Variants in KCNH8 observed in about 807,000 individuals in gnomAD.
The protein encoded by KCNH8 is potassium voltage-gated channel subfamily H member 8, also known as voltage-gated delayed rectifier potassium channel KCNH8.
KCNH8 carries 70 observed loss-of-function variants against 103.6 expected under a neutral mutation model. The ratio of observed to expected loss-of-function variants is 0.68; its 90% CI spans 0.56 to 0.82. KCNH8 has a LOEUF of 0.82. KCNH8 is among the 40% of genes least tolerant of loss of function. The probability of loss-of-function intolerance (pLI) is 0.00; values close to 1 mark genes in which losing one functional copy is unlikely to be tolerated. For synonymous variants in KCNH8, 498 were observed against 489.4 expected, an observed-to-expected ratio of 1.02 and a Z score of -0.23; for missense variants, 1,217 against 1,329.9, an observed-to-expected ratio of 0.92 and a Z score of 1.32.
intron 11 of KCNH8, among the ~76,000 whole-genome samples, chr3:19,491,382 T>A (rs2068317754): frequency 6.6e-6 from 1 of 152,210 alleles, no homozygotes; most frequent in Non-Finnish European, 1.5e-5. Context: ...TTTATGTACA[T>A]GTGTACTCAT....
Position 19,484,399 on chromosome 3 carries a change from A to G in KCNH8, c.2041-25964A>G, listed in dbSNP as rs150311056. ...AAGAGTAGTCTTTCATGCGGGGAAA[A>G]TCAGTGGAAGTTTTTACTATACAAG... On this transcript the variant is annotated intron_variant, in intron 11 of 15. Coordinates refer to ENST00000328405, the MANE Select transcript of KCNH8 (RefSeq NM_144633.3). Among the ~76,000 whole-genome samples the G allele has an allele frequency of 7.1e-3, 1,087 of 152,308 alleles. 7 individuals carry two copies. Among genetic ancestry groups the G allele is most frequent in the Middle Eastern group, 0.02 (6 of 294 alleles).
rs531140401 is a variant in KCNH8 at position 19,373,588 on chromosome 3, T to G, written c.812-16893T>G. On this transcript the variant is annotated intron_variant, in intron 5 of 15. Transcript: ENST00000328405. The stretch of plus-strand genomic sequence containing the variant: ...CTGGATTCATTAATTTTTTGAAGGG[T>G]TTTTTGTGTCTCTATTTCCTTCAGT... Among the ~76,000 whole-genome samples, 5 of 149,758 alleles carry G rather than the reference T, an allele frequency of 3.3e-5. No homozygotes were observed. The South Asian group carries it at 1.0e-3, about 31-fold the overall frequency.
intron 1 of KCNH8, among the ~76,000 whole-genome samples, chr3:19,238,786 T>G (rs2064097273): frequency 6.6e-6 from 1 of 152,232 alleles, no homozygotes. Flanking sequence ...GAGCTTTTGT[T>G]GAAAATTATA....
At chr3:19,244,593 A>G (rs1360003272) in intron 1 of KCNH8, among the ~76,000 whole-genome samples, 2 of 152,216 alleles carry the variant, frequency 1.3e-5, no homozygotes, top group Non-Finnish European at 1.5e-5. Flanking sequence ...CCAACAATGT[A>G]TAAGCATTCC....
At chr3:19,444,643 A>G (rs2067335755) in intron 8 of KCNH8, among the ~76,000 whole-genome samples, 1 of 152,010 alleles carries the variant, frequency 6.6e-6, no homozygotes. Context: ...TGTTAAATCA[A>G]TAAGAAAAAA....
chr3:19,268,227 G>A (rs7636347), intron 2 of KCNH8, among the ~76,000 whole-genome samples: 6,264 of 152,134 alleles, frequency 0.041, 418 homozygotes, highest in African/African-American at 0.14. Context: ...AAGGCAAGTT[G>A]CAGGCTCCTA....
rs1459193528 is a variant in KCNH8 at position 19,161,722 on chromosome 3, G to A, written c.76+12927G>A. 4.6e-5 allele frequency among the ~76,000 whole-genome samples: 7 copies of A among 152,128 alleles called. 1 individual carries two copies. In the South Asian group the frequency reaches 1.0e-3, roughly 23 times the overall value. On this transcript the variant is annotated intron_variant, in intron 1 of 15. Transcript: ENST00000328405. ...GACAAAGCAATTGTAAATTTTTGTA[G>A]AGCACAGTAACATGGCAAAGACTGC...
intron 5 of KCNH8, among the ~76,000 whole-genome samples, chr3:19,376,457 T>TGG (rs2066205928): frequency 1.3e-5 from 2 of 152,136 alleles, no homozygotes; most frequent in Non-Finnish European, 2.9e-5. Flanking sequence ...CTGCTTCGGC[T>TGG]CATGCACGGT....
intron 3 of KCNH8, among the ~76,000 whole-genome samples, chr3:19,329,699 AT>A (rs1194762284): frequency 6.6e-6 from 1 of 152,182 alleles, no homozygotes; most frequent in Non-Finnish European, 1.5e-5. Flanking sequence ...AACTTCAAAA[AT>A]CCCATGGTTG....
At chr3:19,495,742 A>G (rs372646458) in intron 11 of KCNH8, among the ~76,000 whole-genome samples, 1 of 151,966 alleles carries the variant, frequency 6.6e-6, no homozygotes, top group African/African-American at 2.4e-5. Flanking sequence ...TGCATGAAGA[A>G]TGTCACTGGC....
chr3:19,340,061 G>C (rs181819711), intron 3 of KCNH8, among the ~76,000 whole-genome samples: 1 of 151,866 alleles, frequency 6.6e-6, no homozygotes, highest in Non-Finnish European at 1.5e-5. Context: ...CAGTTTTCTC[G>C]TCTGTAAATG....
At position 19,375,898 on chromosome 3, in the gene KCNH8, G is replaced by C. The variant is rs551608600; in HGVS notation, c.812-14583G>C. Among the ~76,000 whole-genome samples, 322 of 152,290 alleles carry C rather than the reference G, an allele frequency of 2.1e-3. 2 individuals are homozygous for C. Among genetic ancestry groups the C allele is most frequent in the Admixed American group, 3.5e-3 (53 of 15,306 alleles). ...TGTCAGTGTGCCCTTGCTGGGGGGT[G>C]CCTCCCAGTTAGGCTGCTCGGGGGT... On this transcript the variant is annotated intron_variant, in intron 5 of 15. Transcript: ENST00000328405.
At chr3:19,390,334 A>C (rs1157121413) in intron 5 of KCNH8, 147 bp from the exon 6 acceptor site, 1 of 636,244 alleles carries the variant, frequency 1.6e-6, no homozygotes, top group African/African-American at 1.9e-5. Flanking sequence ...ATTTTATTTA[A>C]TTTTCTACGA....
At chr3:19,294,313 T>C (rs537579161) in intron 3 of KCNH8, among the ~76,000 whole-genome samples, 10 of 152,212 alleles carry the variant, frequency 6.6e-5, no homozygotes, top group Non-Finnish European at 1.3e-4. Flanking sequence ...GTGATTGATA[T>C]GTACTTCGAA....
chr3:19,307,043 A>G (rs1559469267), intron 3 of KCNH8, among the ~76,000 whole-genome samples: 1 of 151,746 alleles, frequency 6.6e-6, no homozygotes, highest in Non-Finnish European at 1.5e-5. Flanking sequence ...AAAGAACAGA[A>G]TAGAGAATCC....
In KCNH8 at chr3:19,226,619, G is replaced by A. The variant is rs866481020; in HGVS notation, c.77-27035G>A. 4.8e-3 allele frequency among the ~76,000 whole-genome samples: 652 copies of A among 136,010 alleles called. 3 individuals carry two copies. Among genetic ancestry groups the A allele is most frequent in the African/African-American group, 0.022 (621 of 27,788 alleles). The allele number at this position is 136,010 out of a possible 152,430, so 89.2% of individuals were successfully genotyped here. On this transcript the variant is annotated intron_variant, in intron 1 of 15. Coordinates refer to ENST00000328405, the MANE Select transcript of KCNH8 (RefSeq NM_144633.3). The stretch of plus-strand genomic sequence containing the variant: ...CTCTCTCTGTCACACACACACACAT[G>A]CATGCACACACACACACACACACAC...
intron 2 of KCNH8, among the ~76,000 whole-genome samples, chr3:19,257,669 A>G (rs1317182467): frequency 6.6e-6 from 1 of 152,086 alleles, no homozygotes; most frequent in East Asian, 1.9e-4. Flanking sequence ...TTTCCTGGAA[A>G]GAAAAACGTA....
rs144788007 is a variant in KCNH8, at chr3:19,533,942, G to A, written c.3167G>A (p.Ser1056Asn). 9.5e-5 allele frequency: 153 copies of A among 1,614,182 alleles called. No individual in the cohort carries two copies. In the African/African-American group the frequency reaches 1.9e-3, roughly 20 times the overall value. The change falls in exon 16 of 16, where the codon AGT (serine) becomes AAT (asparagine). Residue 1056 changes from serine (S) to asparagine (N), a missense_variant. Physicochemically the swap from Ser to Asn is conservative, Grantham distance 46. Coordinates refer to ENST00000328405, the MANE Select transcript of KCNH8 (RefSeq NM_144633.3). ...LPSRSEEGSF[S>N]QGTVSSFSLE... ...AGCAGATCAGAGGAGGGCAGCTTCA[G>A]TCAGGGAACTGTGAGTTCCTTCAGT...
chr3:19,216,928 C>A lies in KCNH8; in HGVS notation c.77-36726C>A, dbSNP rs181622519. Reference sequence around the variant, plus strand: ...CAGGGATCTCAGAGATCAGGTTGAGCAATATGAGAGCAGGACTTTGGTGCA... The same window carrying A: ...CAGGGATCTCAGAGATCAGGTTGAGAAATATGAGAGCAGGACTTTGGTGCA... On this transcript the variant is annotated intron_variant, in intron 1 of 15. Coordinates refer to ENST00000328405, the MANE Select transcript of KCNH8 (RefSeq NM_144633.3). 2.0e-4 allele frequency among the ~76,000 whole-genome samples: 30 copies of A among 152,264 alleles called. No individual in the cohort carries two copies. The East Asian group carries it at 5.0e-3, about 26-fold the overall frequency.
Sources: allele counts gnomAD v4.1 joint callset (sites outside exome capture counted in the v4.1 genomes callset), GRCh38; gene constraint gnomAD v4.1.1; transcripts MANE v1.5; gene names NCBI Gene and HGNC (gene_info 2026-07-23, HGNC 2026-07-21).